The following CTNNA2 variants were observed in gnomAD, a reference collection of about 807,000 sequenced individuals.
CTNNA2 encodes the protein catenin alpha 2.
In CTNNA2, 42 loss-of-function variants were observed where a neutral mutation model predicts 101.0. The observed-to-expected ratio is 0.42, with a 90% CI of 0.32 to 0.54. The LOEUF (loss-of-function observed/expected upper bound fraction) is 0.54, where lower values mean the gene tolerates loss of function less well. Among genes scored for constraint, CTNNA2 ranks in the 20% least tolerant of loss-of-function variants. The pLI, the probability that CTNNA2 is intolerant of heterozygous loss-of-function variation, is 0.14. For synonymous variants in CTNNA2, 450 were observed against 456.4 expected (o/e 0.99, Z 0.18); for missense variants, 871 against 1,223.1 (o/e 0.71, Z 4.29).
chr2:79,838,342 G>A (rs1286489547), intron 3 of CTNNA2, among the ~76,000 whole-genome samples: 2 of 152,118 alleles, frequency 1.3e-5, no homozygotes, highest in Non-Finnish European at 2.9e-5. Context: ...GCCATGGAAG[G>A]AAGAATGTAG....
At chr2:80,176,567 G>A (rs370805743) in intron 7 of CTNNA2, among the ~76,000 whole-genome samples, 1 of 152,122 alleles carries the variant, frequency 6.6e-6, no homozygotes, top group South Asian at 2.1e-4. Flanking sequence ...TTTTTTACCT[G>A]GTGGAGTGAC....
At chr2:79,414,557 T>C (rs1678455445) in intron 4 of CTNNA2, among the ~76,000 whole-genome samples, 1 of 152,118 alleles carries the variant, frequency 6.6e-6, no homozygotes, top group Non-Finnish European at 1.5e-5. Context: ...TGTCTAAAAA[T>C]GTTCTCGGAT....
intron 9 of CTNNA2, among the ~76,000 whole-genome samples, chr2:80,495,939 C>CAAAAAAAAAAAAAAAAAAAAAAAA (rs60582703): frequency 2.8e-5 from 1 of 35,772 alleles, no homozygotes; most frequent in Non-Finnish European, 5.2e-5. Context: ...GACTCTGTCT[C>CAAAAAAAAAAAAAAAAAAAAAAAA]AAAAAAAAAA....
chr2:80,099,813 A>G (rs139398609), intron 7 of CTNNA2, among the ~76,000 whole-genome samples: 2 of 151,870 alleles, frequency 1.3e-5, no homozygotes, highest in Admixed American at 1.3e-4. Context: ...CTACAGATTC[A>G]CGGGGTGGAG....
chr2:79,786,680 G>C (rs1674873944), intron 3 of CTNNA2, among the ~76,000 whole-genome samples: 1 of 151,990 alleles, frequency 6.6e-6, no homozygotes, highest in African/African-American at 2.4e-5. Flanking sequence ...TTCTAGAGGA[G>C]TACCATCCCA....
chr2:80,265,793 A>T (rs918373465), intron 7 of CTNNA2, among the ~76,000 whole-genome samples: 2 of 152,186 alleles, frequency 1.3e-5, no homozygotes, highest in Non-Finnish European at 2.9e-5. Context: ...CTGAGAAGAG[A>T]AGAGAAGTGT....
At chr2:79,809,568 T>A (rs1411153535) in intron 3 of CTNNA2, among the ~76,000 whole-genome samples, 1 of 152,196 alleles carries the variant, frequency 6.6e-6, no homozygotes, top group Non-Finnish European at 1.5e-5. Context: ...CATATGTTTC[T>A]TAGCTGCATA....
intron 3 of CTNNA2, among the ~76,000 whole-genome samples, chr2:79,795,719 G>T (rs1268716515): frequency 1.3e-5 from 2 of 152,168 alleles, no homozygotes; most frequent in African/African-American, 4.8e-5. Context: ...TGATGTGAGT[G>T]CTGCGATATT....
intron 4 of CTNNA2, among the ~76,000 whole-genome samples, chr2:79,476,856 G>A (rs1188257629): frequency 6.6e-6 from 1 of 152,104 alleles, no homozygotes; most frequent in Admixed American, 6.6e-5. Context: ...AAAACTTAGT[G>A]CCCCAGAAGA....
At chr2:79,546,904 A>T (rs1435811799) in intron 1 of CTNNA2, among the ~76,000 whole-genome samples, 1 of 152,218 alleles carries the variant, frequency 6.6e-6, no homozygotes, top group Non-Finnish European at 1.5e-5. Flanking sequence ...CTATGTAATG[A>T]TTCCTTTCCA....
intron 3 of CTNNA2, among the ~76,000 whole-genome samples, chr2:79,850,239 C>G (rs935776284): frequency 6.9e-6 from 1 of 144,316 alleles, no homozygotes; most frequent in African/African-American, 2.6e-5. Flanking sequence ...GTATCTCTCT[C>G]CCTCTGTTTC....
chr2:79,223,935 A>G (rs1674377127), intron 2 of CTNNA2, among the ~76,000 whole-genome samples: 1 of 152,202 alleles, frequency 6.6e-6, no homozygotes, highest in Non-Finnish European at 1.5e-5. Context: ...AAATGATTCT[A>G]ATTCAGGTGG....
At chr2:79,360,175 C>G (rs575368668) in intron 3 of CTNNA2, among the ~76,000 whole-genome samples, 1 of 152,168 alleles carries the variant, frequency 6.6e-6, no homozygotes, top group Non-Finnish European at 1.5e-5. Context: ...GGGCTGACAA[C>G]TTTCCTCGCC....
At chr2:80,458,200 A>G (rs1684143545) in intron 9 of CTNNA2, among the ~76,000 whole-genome samples, 2 of 152,198 alleles carry the variant, frequency 1.3e-5, no homozygotes. Context: ...GAGTAATTCT[A>G]TTTAGGTCAG....
At chr2:80,340,353 T>C (rs1672116776) in intron 7 of CTNNA2, among the ~76,000 whole-genome samples, 1 of 152,250 alleles carries the variant, frequency 6.6e-6, no homozygotes, top group Non-Finnish European at 1.5e-5. Flanking sequence ...AGGTTTCTCA[T>C]GGCCTTTTGC....
intron 3 of CTNNA2, among the ~76,000 whole-genome samples, chr2:79,833,624 C>A (rs1194620821): frequency 6.6e-6 from 1 of 152,138 alleles, no homozygotes; most frequent in Non-Finnish European, 1.5e-5. Flanking sequence ...TCATGGCATG[C>A]CACACAAAAA....
chr2:79,370,703 A>G (rs1677851186), intron 3 of CTNNA2, among the ~76,000 whole-genome samples: 1 of 152,146 alleles, frequency 6.6e-6, no homozygotes, highest in African/African-American at 2.4e-5. Flanking sequence ...GCATGTATGC[A>G]CAAACCAACA....
At chr2:80,426,537 T>A (rs1681009983) in intron 9 of CTNNA2, among the ~76,000 whole-genome samples, 1 of 152,150 alleles carries the variant, frequency 6.6e-6, no homozygotes, top group African/African-American at 2.4e-5. Flanking sequence ...TTTATCTGCC[T>A]GGCCCTCTAC....
At chr2:80,018,612 T>TA (rs1173544848) in intron 7 of CTNNA2, among the ~76,000 whole-genome samples, 4 of 151,994 alleles carry the variant, frequency 2.6e-5, no homozygotes, top group Admixed American at 2.6e-4. Context: ...CTGTCTCTAC[T>TA]AAACAGAAAA....
Sources: allele counts gnomAD v4.1 joint callset (sites outside exome capture counted in the v4.1 genomes callset), GRCh38; gene constraint gnomAD v4.1.1; transcripts MANE v1.5; gene names NCBI Gene and HGNC (gene_info 2026-07-23, HGNC 2026-07-21).